Variants in PARD3 observed in about 807,000 individuals in gnomAD.
PARD3 encodes par-3 family cell polarity regulator.
A neutral mutation model predicts 155.4 loss-of-function variants in PARD3; 75 were observed. The observed-to-expected ratio is 0.48, with a 90% CI of 0.40 to 0.58. The LOEUF (loss-of-function observed/expected upper bound fraction) is 0.58. Ranked by LOEUF, PARD3 falls within the 20% of genes least tolerant of loss-of-function variation. The pLI is 0.00. For synonymous variants in PARD3, 576 were observed against 610.5 expected (o/e 0.94, Z 0.83); for missense variants, 1,642 against 1,721.7 (o/e 0.95, Z 0.82).
intron 2 of PARD3, chr10:34,664,142 G>A: frequency 6.6e-6 from 1 of 152,314 alleles, no homozygotes; most frequent in Non-Finnish European, 1.5e-5. Context: ...AGAGGTGGGA[G>A]TTCTTTTTAA....
At chr10:34,784,774 C>T (rs1042765405) in intron 1 of PARD3, among the ~76,000 whole-genome samples, 5 of 152,032 alleles carry the variant, frequency 3.3e-5, no homozygotes, top group African/African-American at 9.7e-5. Flanking sequence ...CCCCTTTTTT[C>T]CCCGTCTCTT....
chr10:34,117,834 C>T (rs1275109950), intron 24 of PARD3, among the ~76,000 whole-genome samples: 2 of 152,186 alleles, frequency 1.3e-5, no homozygotes, highest in East Asian at 1.9e-4. Context: ...TTGCTTGAGT[C>T]TGGGAGGTGG....
At chr10:34,180,119 C>T (rs1419568350) in intron 22 of PARD3, among the ~76,000 whole-genome samples, 2 of 152,112 alleles carry the variant, frequency 1.3e-5, no homozygotes, top group African/African-American at 4.8e-5. Flanking sequence ...ACGATCTCAG[C>T]TCACTGCAAC....
chr10:34,285,854 A>ACTACT (rs1956363873), intron 20 of PARD3, among the ~76,000 whole-genome samples: 1 of 152,134 alleles, frequency 6.6e-6, no homozygotes, highest in African/African-American at 2.4e-5. Flanking sequence ...CACCACCACC[A>ACTACT]CTACTTTAAA....
chr10:34,707,514 A>G (rs954603822), intron 1 of PARD3, among the ~76,000 whole-genome samples: 1 of 152,186 alleles, frequency 6.6e-6, no homozygotes, highest in Admixed American at 6.5e-5. Context: ...TCTGATGCAC[A>G]CTGAGGTTTG....
intron 1 of PARD3, among the ~76,000 whole-genome samples, chr10:34,771,576 G>A (rs918264437): frequency 5.9e-5 from 9 of 152,216 alleles, no homozygotes; most frequent in Admixed American, 3.3e-4. Context: ...GAAAAATGAC[G>A]TCGGTCAGCC....
chr10:34,579,564 G>GTGTGTGTGTGTGTGTGTGTGTGTGTA (rs2134238324), intron 2 of PARD3, among the ~76,000 whole-genome samples: 1 of 134,326 alleles, frequency 7.4e-6, no homozygotes, highest in African/African-American at 3.1e-5. Context: ...CTGTGTGTGT[G>GTGTGTGTGTGTGTGTGTGTGTGTGTA]TGTGTGTGTG....
rs1376327294 is a variant in PARD3 at position 34,269,804 on chromosome 10, T to G, written c.3272A>C (p.Asp1091Ala). The change falls in exon 22 of 25, where the codon GAT becomes GCT. Residue 1091 changes from aspartate (D) to alanine (A), a missense_variant. Around this residue, in one of 3 missense-constraint regions of PARD3, gnomAD observed 1,529 missense variants for 1,587.3 expected, o/e 0.96. Coordinates refer to ENST00000374788, the MANE Select transcript of PARD3 (RefSeq NM_001184785.2). ...QDFHRTFGCD[D>A]ELMYGGVSSY... is the part of the protein sequence containing the mutation. ...AGAAACTCCCCCATACATTAACTCA[T>G]CATCACAGCCAAATGTCCGATGAAA... is the stretch of plus-strand genomic sequence containing the variant. 1 of 1,613,872 alleles carries G rather than the reference T, an allele frequency of 6.2e-7. No homozygotes were observed. The highest frequency in any genetic ancestry group is 1.3e-5 in the African/African-American group (1 of 74,902).
At chr10:34,131,426 T>G (rs773268662) in intron 23 of PARD3, 37 bp downstream of exon 23, 18 of 1,613,010 alleles carry the variant, frequency 1.1e-5, no homozygotes, top group Non-Finnish European at 1.5e-5. Context: ...AGGGAAGTTG[T>G]AGGACCATTC....
At chr10:34,615,577 C>A (rs374627176) in intron 2 of PARD3, among the ~76,000 whole-genome samples, 2 of 152,056 alleles carry the variant, frequency 1.3e-5, no homozygotes, top group African/African-American at 4.8e-5. Context: ...AGAACTCATG[C>A]AACAAAAGCA....
At chr10:34,724,613 G>A (rs2094667671) in intron 1 of PARD3, among the ~76,000 whole-genome samples, 1 of 152,180 alleles carries the variant, frequency 6.6e-6, no homozygotes. Flanking sequence ...ATATATATAA[G>A]CTAAACTGGC....
chr10:34,750,691 ATTT>A (rs10643701), intron 1 of PARD3, among the ~76,000 whole-genome samples: 1 of 143,696 alleles, frequency 7.0e-6, no homozygotes. Flanking sequence ...TGACATAACA[ATTT>A]TTTTTTTTTT....
intron 2 of PARD3, among the ~76,000 whole-genome samples, chr10:34,689,111 G>A (rs1193179812): frequency 6.6e-6 from 1 of 152,150 alleles, no homozygotes; most frequent in Non-Finnish European, 1.5e-5. Flanking sequence ...CATTATTTTA[G>A]ATACATGTTA....
chr10:34,668,821 A>T (rs80355788), intron 2 of PARD3, among the ~76,000 whole-genome samples: 2,547 of 152,036 alleles, frequency 0.017, 29 homozygotes, highest in Non-Finnish European at 0.024. Flanking sequence ...AAAAATTTTT[A>T]AAAGTTTGAT....
At chr10:34,561,819 T>G (rs1255388135) in intron 2 of PARD3, among the ~76,000 whole-genome samples, 1 of 151,246 alleles carries the variant, frequency 6.6e-6, no homozygotes, top group African/African-American at 2.4e-5. Context: ...CGCCCGGCCC[T>G]GTAACGCACA....
intron 1 of PARD3, among the ~76,000 whole-genome samples, chr10:34,751,418 C>CTT (rs1414093833): frequency 6.6e-6 from 1 of 152,154 alleles, no homozygotes; most frequent in African/African-American, 2.4e-5. Flanking sequence ...GGGAAGGCCT[C>CTT]TAAGATTTCC....
At position 34,196,760 on chromosome 10, in the gene PARD3, A is replaced by G. The variant is rs188027440; in HGVS notation, c.3420-65177T>C. Among the ~76,000 whole-genome samples, 10 of 151,594 alleles carry G rather than the reference A, an allele frequency of 6.6e-5. No individual in the cohort carries two copies. In the East Asian group the frequency reaches 1.6e-3, roughly 24 times the overall value. On this transcript the variant is annotated intron_variant, in intron 22 of 24. Transcript: ENST00000374788. ...GGCTAATTTTCTGTATTTTTAGTAG[A>G]GACAGGGTTACACCGTGTTAGCCAG...
intron 5 of PARD3, among the ~76,000 whole-genome samples, chr10:34,418,386 C>A (rs1266431994): frequency 6.6e-6 from 1 of 152,106 alleles, no homozygotes; most frequent in Non-Finnish European, 1.5e-5. Context: ...GTTGCCCAGA[C>A]TAGTCTTGAA....
At chr10:34,648,258 T>C (rs1284615897) in intron 2 of PARD3, among the ~76,000 whole-genome samples, 1 of 152,222 alleles carries the variant, frequency 6.6e-6, no homozygotes, top group East Asian at 1.9e-4. Flanking sequence ...TCAAAGACAT[T>C]CTTCAAAGAA....
Sources: allele counts gnomAD v4.1 joint callset (sites outside exome capture counted in the v4.1 genomes callset), GRCh38; gene constraint gnomAD v4.1.1; regional missense constraint gnomAD v4.1.1; transcripts MANE v1.5; gene names NCBI Gene and HGNC (gene_info 2026-07-23, HGNC 2026-07-21).